The following SYNE2 variants were observed in gnomAD, a reference collection of about 807,000 sequenced individuals.
The protein encoded by SYNE2 is nesprin-2.
Under a neutral mutation model 856.3 loss-of-function variants are expected in SYNE2, and 431 were observed. The observed-to-expected ratio is 0.50, with a 90% CI of 0.47 to 0.55. SYNE2 has a LOEUF of 0.55. Among genes scored for constraint, SYNE2 ranks in the 20% least tolerant of loss-of-function variants. The pLI is 0.00. For missense variants in SYNE2, 8,129 were observed against 8,023.2 expected (o/e 1.01, Z -0.50); for synonymous variants, 2,923 against 2,872.3 (o/e 1.02, Z -0.56).
chr14:63,892,888 T>A (rs2095168260), intron 1 of SYNE2, among the ~76,000 whole-genome samples: 1 of 152,158 alleles, frequency 6.6e-6, no homozygotes. Flanking sequence ...ATTTAGTTTT[T>A]AAATTTATTC....
chr14:64,174,908 G>GT (rs765578478), intron 94 of SYNE2, 36 bp from the exon 95 acceptor site: 1 of 1,598,366 alleles, frequency 6.3e-7, no homozygotes, highest in Admixed American at 1.7e-5. Flanking sequence ...GAACACATCA[G>GT]AAACCTAAGC....
chr14:63,991,713 G>C (rs2096667823), intron 21 of SYNE2, among the ~76,000 whole-genome samples: 1 of 152,098 alleles, frequency 6.6e-6, no homozygotes, highest in Non-Finnish European at 1.5e-5. Flanking sequence ...AGGTGCTTGG[G>C]GGATTAGAAG....
At chr14:64,119,054 G>A (rs1189506673) in intron 66 of SYNE2, among the ~76,000 whole-genome samples, 1 of 152,172 alleles carries the variant, frequency 6.6e-6, no homozygotes, top group Non-Finnish European at 1.5e-5. Flanking sequence ...TCTAAAGTAA[G>A]GTGCCTGTGT....
At chr14:63,814,463 A>G (rs1888754408) in intron 1 of SYNE2, among the ~76,000 whole-genome samples, 1 of 32,524 alleles carries the variant, frequency 3.1e-5, no homozygotes, top group Non-Finnish European at 8.4e-5. Flanking sequence ...ATATCCTTAT[A>G]TATCATATAT....
At chr14:64,183,773 A>G (rs1288616484) in intron 96 of SYNE2, among the ~76,000 whole-genome samples, 1 of 152,162 alleles carries the variant, frequency 6.6e-6, no homozygotes, top group East Asian at 1.9e-4. Flanking sequence ...AAAACCAGAC[A>G]GACGTGGTGG....
Position 64,065,438 on chromosome 14 carries a change from G to T in SYNE2, c.10219G>T (p.Val3407Leu), listed in dbSNP as rs765986801. Residue 3407 changes from valine (V) to leucine (L), a missense_variant, in exon 51 of 116, where the codon GTG becomes TTG. Val to Leu is a conservative substitution (Grantham distance 32). This residue lies in a region of SYNE2 where 5,410 missense variants were observed against 5,284.8 expected (regional missense o/e 1.02). Transcript: ENST00000555002. The part of the protein sequence containing the change: ...LERLEQSKAL[V>L]SNLISTKEEL... ...TTTTCTTTTCTTTCTTAAGGCCTTG[G>T]TGTCAAATCTTATATCAACCAAAGA... 2.5e-6 allele frequency: 4 copies of T among 1,613,942 alleles called. No individual in the cohort carries two copies. Among genetic ancestry groups the T allele is most frequent in the Non-Finnish European group, 3.4e-6 (4 of 1,179,948 alleles).
At chr14:63,827,277 C>CA (rs397960370) in intron 1 of SYNE2, among the ~76,000 whole-genome samples, 70,038 of 128,342 alleles carry the variant, frequency 0.55, 18,645 homozygotes, top group Admixed American at 0.62. Context: ...GACTCTGTCT[C>CA]AAAAAAAAAA....
At chr14:63,803,729 G>A (rs924051865) in intron 1 of SYNE2, among the ~76,000 whole-genome samples, 1 of 152,262 alleles carries the variant, frequency 6.6e-6, no homozygotes, top group African/African-American at 2.4e-5. Context: ...GCGGTAGGCT[G>A]AAGGGCTCCT....
chr14:64,094,707 T>C (rs2097662051), intron 61 of SYNE2, among the ~76,000 whole-genome samples: 1 of 152,208 alleles, frequency 6.6e-6, no homozygotes, highest in South Asian at 2.1e-4. Context: ...AGACTCAGTA[T>C]TGTAAAAATA....
At chr14:63,814,994 A>T (rs2139842553) in intron 1 of SYNE2, among the ~76,000 whole-genome samples, 1 of 81,572 alleles carries the variant, frequency 1.2e-5, no homozygotes, top group South Asian at 3.4e-4. Context: ...CCATATATAC[A>T]TCCATATATA....
chr14:64,150,321 A>AAAAAG lies in SYNE2; in HGVS notation c.15640-2243_15640-2242insAAAAG, dbSNP rs766798501. Among the ~76,000 whole-genome samples the AAAAAG allele has an allele frequency of 3.0e-3, 355 of 119,434 alleles. 17 individuals are homozygous for AAAAAG. Among genetic ancestry groups the AAAAAG allele is most frequent in the Non-Finnish European group, 4.0e-3 (235 of 58,576 alleles). The allele number at this position is 119,434 out of a possible 152,430, so 78.4% of individuals were successfully genotyped here. ...AAAAAAAAAAAAAAAAAAAAAAAAA[A>AAAAAG]GGATCCTCCCGCCTCAGCCTCTCAA... On this transcript the variant is annotated intron_variant, in intron 84 of 115. Transcript: ENST00000555002.
intron 1 of SYNE2, among the ~76,000 whole-genome samples, chr14:63,881,670 C>T (rs952053667): frequency 1.3e-5 from 2 of 151,008 alleles, no homozygotes; most frequent in African/African-American, 4.9e-5. Context: ...ATTAATTTCT[C>T]CCTTAGTTAA....
chr14:64,056,388 T>G, intron 49 of SYNE2, 122 bp downstream of exon 49: 1 of 806,188 alleles, frequency 1.2e-6, no homozygotes, highest in Non-Finnish European at 1.9e-6. Flanking sequence ...CATTAACACC[T>G]ATGCATTAGA....
chr14:64,080,353 G>A, intron 55 of SYNE2, 103 bp from the exon 56 acceptor site: 2 of 1,170,310 alleles, frequency 1.7e-6, no homozygotes, highest in South Asian at 1.2e-5. Flanking sequence ...TTTCTGTGAT[G>A]TTTTAGTAGC....
intron 1 of SYNE2, among the ~76,000 whole-genome samples, chr14:63,904,465 C>A (rs2153338412): frequency 6.6e-6 from 1 of 152,266 alleles, no homozygotes; most frequent in Admixed American, 6.5e-5. Context: ...CTTTTCTCTG[C>A]AGCCTCACCA....
chr14:64,078,504 A>G lies in SYNE2; in HGVS notation c.11061A>G (p.Ala3687=), dbSNP rs769752720. The change falls in exon 55 of 116, where the codon GCA becomes GCG. Residue 3687 remains alanine (A), a synonymous_variant. Coordinates refer to ENST00000555002, the MANE Select transcript of SYNE2 (RefSeq NM_182914.3). The stretch of plus-strand genomic sequence containing the variant: ...TCTTAAAAAGCTCACCATCATATGC[A>G]ATGAGGAGAAAAATAGAAGAAATTA... ...NEVLKSSPSY[A]MRRKIEEINN... 1.5e-4 allele frequency: 249 copies of G among 1,614,024 alleles called. No individual in the cohort carries two copies. Among genetic ancestry groups the G allele is most frequent in the Non-Finnish European group, 2.1e-4 (242 of 1,180,018 alleles).
At position 64,122,386 on chromosome 14, in the gene SYNE2, T is replaced by A. The variant is rs746496799; in HGVS notation, c.13381T>A (p.Ser4461Thr). Residue 4461 changes from serine to threonine, a missense_variant, in exon 70 of 116, where the codon TCA becomes ACA. Transcript: ENST00000555002. ...KWQYLHHELS[S>T]KIKLPLPQLV... Reference sequence around the variant, plus strand: ...GCAATATCTGCATCATGAACTCTCATCAAAAATAAAGCTCCCACTCCCTCA... The same window carrying A: ...GCAATATCTGCATCATGAACTCTCAACAAAAATAAAGCTCCCACTCCCTCA... The A allele has an allele frequency of 1.2e-6, 2 of 1,614,212 alleles. No individual in the cohort carries two copies. Among genetic ancestry groups the A allele is most frequent in the Non-Finnish European group, 1.7e-6 (2 of 1,180,046 alleles).
intron 49 of SYNE2, among the ~76,000 whole-genome samples, chr14:64,058,374 T>C (rs2097289806): frequency 6.6e-6 from 1 of 152,224 alleles, no homozygotes; most frequent in African/African-American, 2.4e-5. Context: ...GAACCGTTTA[T>C]TGGTATCTTT....
rs767545363 is a variant in SYNE2, at chr14:64,090,869, A to G, written c.11797A>G (p.Ile3933Val). The G allele has an allele frequency of 3.1e-6, 5 of 1,613,748 alleles. No individual in the cohort carries two copies. Among genetic ancestry groups the G allele is most frequent in the South Asian group, 1.1e-5 (1 of 91,032 alleles). The change falls in exon 60 of 116, where the codon ATA becomes GTA. Residue 3933 changes from isoleucine (I) to valine (V), a missense_variant. Transcript: ENST00000555002. ...ATGCTCCTCTTATATAATTAAGGTC[A>G]TACTTGAAAATATACGTCCCATGAA... ...PEEHLKHGEVILENIRPMKKT... is the reference protein window; with the variant it reads ...PEEHLKHGEVVLENIRPMKKT...
Sources: gnomAD v4.1 joint callset for allele counts (sites outside exome capture counted in the v4.1 genomes callset) on GRCh38, gnomAD v4.1.1 for gene constraint, gnomAD v4.1.1 regional missense constraint, MANE v1.5 for transcripts, NCBI Gene and HGNC (gene_info 2026-07-23, HGNC 2026-07-21) for gene names.